LXN: variants seen among roughly 807,000 people sequenced by gnomAD.
LXN encodes the protein latexin, also known as MUM.
In LXN, 28 loss-of-function variants were observed where a neutral mutation model predicts 29.8. The observed-to-expected ratio is 0.94, with a 90% CI of 0.70 to 1.29. The LOEUF is 1.29. Ranked by LOEUF, LXN falls within the 50% of genes most tolerant of loss-of-function variation. The pLI is 0.00. For missense variants in LXN, 227 were observed against 261.7 expected, an observed-to-expected ratio of 0.87 and a Z score of 0.92; for synonymous variants, 77 against 89.6, an observed-to-expected ratio of 0.86 and a Z score of 0.80.
Position 158,669,593 on chromosome 3 carries a change from G to A in LXN, c.210C>T (p.Cys70=), listed in dbSNP as rs1233024631. ...TTGAAGGGTAAAGTACTTCAGCTGT[G>A]CAGTTCACCTTAACTTGCTGTTTGA... ...EIIQKQVKVN[C]TAEVLYPSTG... is the part of the protein sequence containing the mutation. Residue 70 remains cysteine, a synonymous_variant, in exon 3 of 6, where the codon TGC becomes TGT. Transcript: ENST00000264265. 1.2e-6 allele frequency: 2 copies of A among 1,613,748 alleles called. No individual in the cohort carries two copies. The highest frequency in any genetic ancestry group is 1.7e-6 in the Non-Finnish European group (2 of 1,179,886).
chr3:158,669,063 A>AT lies in LXN; in HGVS notation c.439dup (p.Ile147AsnfsTer8). 1 of 1,613,646 alleles carries AT rather than the reference A, an allele frequency of 6.2e-7. No homozygotes were observed. The highest frequency in any genetic ancestry group is 8.5e-7 in the Non-Finnish European group (1 of 1,179,796). On this transcript the variant is annotated frameshift_variant, in exon 4 of 6. Coordinates refer to ENST00000264265, the MANE Select transcript of LXN (RefSeq NM_020169.4). LOFTEE classifies it high-confidence loss of function. ...GTCTTCAGTAGAATTTTGCCATATT[A>AT]TATAACCACAGGCAACCCAGGCTAA...
chr3:158,667,923 G>A (rs572305713), intron 4 of LXN, among the ~76,000 whole-genome samples: 71 of 152,302 alleles, frequency 4.7e-4, no homozygotes, highest in Non-Finnish European at 9.8e-4. Flanking sequence ...TTTCAGTATG[G>A]CATGACTATA....
intron 1 of LXN, among the ~76,000 whole-genome samples, 168 bp from the exon 2 acceptor site, chr3:158,671,187 C>G (rs1724263335): frequency 6.6e-5 from 10 of 152,146 alleles, no homozygotes; most frequent in Admixed American, 6.5e-4. Flanking sequence ...TCTAATTTAG[C>G]AAGTCCCCTA....
chr3:158,669,144 C>T lies in LXN; in HGVS notation c.371-12G>A. Reference sequence around the variant, plus strand: ...ATTTCCAAAATTGTCTGGTAGGAGACACATTTATATGATAATCATATATAT... The same window carrying T: ...ATTTCCAAAATTGTCTGGTAGGAGATACATTTATATGATAATCATATATAT... On this transcript the variant is annotated splice_polypyrimidine_tract_variant and intron_variant, in intron 3 of 5. Transcript: ENST00000264265. 4.4e-6 allele frequency: 7 copies of T among 1,609,162 alleles called. No homozygotes were observed. The highest frequency in any genetic ancestry group is 6.0e-6 in the Non-Finnish European group (7 of 1,176,448).
At chr3:158,667,555 G>A (rs1723833695) in intron 4 of LXN, among the ~76,000 whole-genome samples, 1 of 152,220 alleles carries the variant, frequency 6.6e-6, no homozygotes, top group African/African-American at 2.4e-5. Flanking sequence ...CGGGGCTGAG[G>A]TAGGCAACTT....
chr3:158,667,838 G>A (rs1197056137), intron 4 of LXN, among the ~76,000 whole-genome samples: 1 of 152,160 alleles, frequency 6.6e-6, no homozygotes, highest in Non-Finnish European at 1.5e-5. Flanking sequence ...ATAGTAAAAT[G>A]TAGTGAGTGT....
rs1723718451 is a variant in LXN at position 158,666,652 on chromosome 3, C to A, written c.663G>T (p.Leu221=). The A allele has an allele frequency of 1.2e-6, 2 of 1,612,702 alleles. No homozygotes were observed. Among genetic ancestry groups the A allele is most frequent in the Non-Finnish European group, 1.7e-6 (2 of 1,179,098 alleles). ...CCAGTGTTAGGGTTTTTGTTTATTCCAGTTGTACTTCCTTTGGCAGACGGC... is the reference window on the plus strand; with the variant it reads ...CCAGTGTTAGGGTTTTTGTTTATTCAAGTTGTACTTCCTTTGGCAGACGGC... ...HNSRLPKEVQ[L]E is the part of the protein sequence containing the mutation. The change falls in exon 6 of 6, where the codon CTG becomes CTT. Residue 221 remains leucine (L), a synonymous_variant. Coordinates refer to ENST00000264265, the MANE Select transcript of LXN (RefSeq NM_020169.4).
intron 3 of LXN, 109 bp from the exon 4 acceptor site, chr3:158,669,241 AT>A: frequency 7.7e-7 from 1 of 1,294,824 alleles, no homozygotes. Context: ...TGTGCAAAAA[AT>A]AATTTAATTA....
In LXN at chr3:158,671,026, T is replaced by C; in HGVS notation, c.130-7A>G. On this transcript the variant is annotated splice_region_variant and splice_polypyrimidine_tract_variant and intron_variant, in intron 1 of 5. Coordinates refer to ENST00000264265, the MANE Select transcript of LXN (RefSeq NM_020169.4). The stretch of plus-strand genomic sequence containing the variant: ...GTCCTCTTCCTGGAATATCCTAAAA[T>C]TAAGAAAATGTAGTGGAGACAAGAA... The C allele has an allele frequency of 6.6e-7, 1 of 1,520,968 alleles. No homozygotes were observed. Among genetic ancestry groups the C allele is most frequent in the Non-Finnish European group, 8.8e-7 (1 of 1,137,752 alleles). The allele number at this position is 1,520,968 out of a possible 1,614,324, so 94.2% of individuals were successfully genotyped here.
intron 2 of LXN, 105 bp downstream of exon 2, chr3:158,670,852 T>G: frequency 3.1e-6 from 4 of 1,288,544 alleles, no homozygotes; most frequent in Non-Finnish European, 4.0e-6. Flanking sequence ...GAAGATGGCC[T>G]GAGCCCGGGA....
chr3:158,672,286 G>A, intron 1 of LXN, 64 bp downstream of exon 1: 1 of 1,592,636 alleles, frequency 6.3e-7, no homozygotes, highest in African/African-American at 1.3e-5. Flanking sequence ...GGCTGAGACC[G>A]CGGGTGAGTG....
At chr3:158,668,690 C>T (rs1382684510) in intron 4 of LXN, among the ~76,000 whole-genome samples, 1 of 152,198 alleles carries the variant, frequency 6.6e-6, no homozygotes, top group East Asian at 1.9e-4. Flanking sequence ...GCTTCCTAGT[C>T]TCTATGTTCC....
At chr3:158,669,717 G>C in intron 2 of LXN, 107 bp from the exon 3 acceptor site, 4 of 1,075,944 alleles carry the variant, frequency 3.7e-6, no homozygotes, top group Non-Finnish European at 5.4e-6. Context: ...TGTTGTTTTA[G>C]ACTAGACTTC....
chr3:158,669,431 A>C lies in LXN; in HGVS notation c.370+2T>G, dbSNP rs779129793. ...AATGGTTTTCATGCCATATTTATAT[A>C]CCTGGAATATTTTGTGCTTCTAGCG... On this transcript the variant is annotated splice_donor_variant, in intron 3 of 5. Coordinates refer to ENST00000264265, the MANE Select transcript of LXN (RefSeq NM_020169.4). LOFTEE classifies it high-confidence loss of function. The C allele has an allele frequency of 1.1e-5, 17 of 1,606,880 alleles. 1 individual carries two copies. The South Asian group carries it at 1.9e-4, about 18-fold the overall frequency.
rs748874875 is a variant in LXN, at chr3:158,666,679, A to G, written c.636T>C (p.Asn212=). 5.0e-6 allele frequency: 8 copies of G among 1,613,860 alleles called. No homozygotes were observed. Among genetic ancestry groups the G allele is most frequent in the South Asian group, 2.2e-5 (2 of 91,084 alleles). ...GTTGTACTTCCTTTGGCAGACGGCT[A>G]TTATGTTTTACTTTAGTGCCGTATT... The part of the protein sequence containing the change: ...HPQYGTKVKH[N]SRLPKEVQLE Residue 212 remains asparagine (N), a synonymous_variant, in exon 6 of 6, where the codon AAT becomes AAC. Transcript: ENST00000264265.
intron 1 of LXN, among the ~76,000 whole-genome samples, chr3:158,671,876 G>C (rs1378882236): frequency 6.6e-6 from 1 of 152,206 alleles, no homozygotes; most frequent in Non-Finnish European, 1.5e-5. Context: ...TTGATTGTCA[G>C]TTTCTCTTGC....
intron 4 of LXN, 123 bp from the exon 5 acceptor site, chr3:158,667,197 TTGAA>T: frequency 1.9e-6 from 2 of 1,073,896 alleles, no homozygotes; most frequent in Non-Finnish European, 2.5e-6. Flanking sequence ...AAAATAAAAA[TTGAA>T]TGTCATAATT....
At chr3:158,667,708 A>G (rs1378855293) in intron 4 of LXN, among the ~76,000 whole-genome samples, 1 of 152,136 alleles carries the variant, frequency 6.6e-6, no homozygotes, top group Admixed American at 6.5e-5. Context: ...GGACCGCCTG[A>G]GCCTGGGAGA....
intron 2 of LXN, 138 bp from the exon 3 acceptor site, chr3:158,669,748 TATC>T (rs1724088368): frequency 1.3e-6 from 1 of 771,884 alleles, no homozygotes; most frequent in Middle Eastern, 3.6e-4. Context: ...TTTTCAGAGG[TATC>T]TAATTGGGCC....
Sources: allele counts gnomAD v4.1 joint callset (sites outside exome capture counted in the v4.1 genomes callset), GRCh38; gene constraint gnomAD v4.1.1; transcripts MANE v1.5; gene names NCBI Gene and HGNC (gene_info 2026-07-23, HGNC 2026-07-21).